The following SHISA9 variants were observed in gnomAD, a reference collection of about 807,000 sequenced individuals.
The protein encoded by SHISA9 is shisa family member 9, also known as protein shisa-9.
A neutral mutation model predicts 38.0 loss-of-function variants in SHISA9; 13 were observed. The ratio of observed to expected loss-of-function variants is 0.34; its 90% confidence interval spans 0.22 to 0.54. SHISA9 has a LOEUF of 0.54. Among genes scored for constraint, SHISA9 ranks in the 20% least tolerant of loss-of-function variants. The pLI is 0.91. For missense variants in SHISA9, 538 were observed against 575.8 expected (o/e 0.93, Z 0.67); for synonymous variants, 275 against 242.0 (o/e 1.14, Z -1.27).
At chr16:12,934,510 A>G (rs2071503595) in intron 2 of SHISA9, among the ~76,000 whole-genome samples, 1 of 152,204 alleles carries the variant, frequency 6.6e-6, no homozygotes, top group African/African-American at 2.4e-5. Context: ...ACAACTATTG[A>G]TATATAGGGG....
chr16:13,061,691 A>T (rs1484370381), intron 2 of SHISA9, among the ~76,000 whole-genome samples: 1 of 152,202 alleles, frequency 6.6e-6, no homozygotes, highest in Non-Finnish European at 1.5e-5. Context: ...AATTCATTAC[A>T]GGAAGCAACC....
chr16:13,270,674 A>G, the SHISA9 span, among the ~76,000 whole-genome samples: 13 of 152,188 alleles, frequency 8.5e-5, no homozygotes, highest in African/African-American at 2.9e-4. Flanking sequence ...CAATTAACCT[A>G]GCTGAAGATC....
At chr16:12,962,728 G>T (rs1321736731) in intron 2 of SHISA9, among the ~76,000 whole-genome samples, 1 of 152,200 alleles carries the variant, frequency 6.6e-6, no homozygotes, top group Non-Finnish European at 1.5e-5. Context: ...TAAGCCAACT[G>T]GTCTATGGTA....
At chr16:13,150,199 C>A (rs1472132195) in intron 2 of SHISA9, among the ~76,000 whole-genome samples, 1 of 152,066 alleles carries the variant, frequency 6.6e-6, no homozygotes, top group Non-Finnish European at 1.5e-5. Context: ...TTCCCTAAAT[C>A]TACTGCGTTT....
At chr16:13,094,038 A>G (rs1006980920) in intron 2 of SHISA9, among the ~76,000 whole-genome samples, 7 of 152,118 alleles carry the variant, frequency 4.6e-5, no homozygotes, top group African/African-American at 1.2e-4. Flanking sequence ...CAGGTCTCCT[A>G]TACCAAGGAG....
chr16:13,477,530 A>T, the SHISA9 span, among the ~76,000 whole-genome samples: 1 of 152,190 alleles, frequency 6.6e-6, no homozygotes, highest in Non-Finnish European at 1.5e-5. Context: ...GTGAGCCTGG[A>T]GAAAGAGATC....
the SHISA9 span, among the ~76,000 whole-genome samples, chr16:13,335,757 T>TG: frequency 0.051 from 7,777 of 152,078 alleles, 288 homozygotes; most frequent in Non-Finnish European, 0.076. Context: ...AAGACCATTT[T>TG]GGGGGGGATC....
chr16:13,329,715 G>T, the SHISA9 span, among the ~76,000 whole-genome samples: 25 of 152,292 alleles, frequency 1.6e-4, no homozygotes, highest in Admixed American at 1.2e-3. Flanking sequence ...ACAGCAGAAA[G>T]GTAGAGCCAT....
intron 2 of SHISA9, among the ~76,000 whole-genome samples, chr16:12,932,143 G>A (rs1454019381): frequency 6.6e-6 from 1 of 152,132 alleles, no homozygotes; most frequent in Non-Finnish European, 1.5e-5. Flanking sequence ...CCAGCCATGT[G>A]GAGCTGTGAG....
At chr16:12,993,527 C>G (rs1040538684) in intron 2 of SHISA9, among the ~76,000 whole-genome samples, 1 of 152,094 alleles carries the variant, frequency 6.6e-6, no homozygotes, top group Non-Finnish European at 1.5e-5. Context: ...CCCCTAGGTG[C>G]CCAGTAAAAG....
chr16:13,178,863 G>T (rs1188875829), intron 2 of SHISA9, among the ~76,000 whole-genome samples: 2 of 149,090 alleles, frequency 1.3e-5, no homozygotes, highest in Non-Finnish European at 3.0e-5. Flanking sequence ...TGTTGTTGTT[G>T]TTTGTTTTTT....
chr16:13,240,205 T>G lies in SHISA9; in HGVS notation c.*4796T>G, dbSNP rs747873291. On this transcript the variant is annotated 3_prime_UTR_variant, in exon 5 of 5. Transcript: ENST00000558583. ...AGTTTTTTGTGTAAATGGAGCATAT[T>G]TTATGTGCGAATATTTTAGTAACCG... 1 of 152,222 alleles carries G rather than the reference T, an allele frequency of 6.6e-6. No homozygotes were observed. Among genetic ancestry groups the G allele is most frequent in the Admixed American group, 6.5e-5 (1 of 15,278 alleles). The allele number at this position is 152,222 out of a possible 1,614,324, so 9.4% of individuals were successfully genotyped here. A position where few individuals can be genotyped will look rare whatever the true frequency, so the allele number is the denominator to read the frequency against.
chr16:13,285,462 GTTTTTTTTTTTTT>G, the SHISA9 span, among the ~76,000 whole-genome samples: 2 of 95,784 alleles, frequency 2.1e-5, no homozygotes, highest in African/African-American at 8.4e-5. Flanking sequence ...TTCAGGTGTA[GTTTTTTTTTTTTT>G]TTTTTTTTTT....
chr16:13,134,295 C>T (rs2050329520), intron 2 of SHISA9, among the ~76,000 whole-genome samples: 1 of 152,148 alleles, frequency 6.6e-6, no homozygotes, highest in Admixed American at 6.5e-5. Context: ...GTACGTAAAG[C>T]ACATAGCACA....
At chr16:12,939,644 G>C (rs2071582820) in intron 2 of SHISA9, among the ~76,000 whole-genome samples, 1 of 152,168 alleles carries the variant, frequency 6.6e-6, no homozygotes, top group African/African-American at 2.4e-5. Flanking sequence ...CCCTAGATCT[G>C]TCTGACTTGT....
At chr16:12,934,164 TAA>T (rs1194392433) in intron 2 of SHISA9, among the ~76,000 whole-genome samples, 1 of 152,196 alleles carries the variant, frequency 6.6e-6, no homozygotes, top group Non-Finnish European at 1.5e-5. Flanking sequence ...TGAGATTATA[TAA>T]ATAAATGTAG....
At chr16:12,974,880 T>C (rs1478345378) in intron 2 of SHISA9, among the ~76,000 whole-genome samples, 1 of 152,226 alleles carries the variant, frequency 6.6e-6, no homozygotes, top group Non-Finnish European at 1.5e-5. Context: ...ACTCTATATT[T>C]ATCTGCATTT....
intron 2 of SHISA9, among the ~76,000 whole-genome samples, chr16:13,074,738 C>T (rs1376072632): frequency 6.7e-6 from 1 of 149,620 alleles, no homozygotes; most frequent in Non-Finnish European, 1.5e-5. Flanking sequence ...GATCTCAGCT[C>T]ACTGCAACCT....
At chr16:13,249,511 A>G in the SHISA9 span, among the ~76,000 whole-genome samples, 1 of 152,206 alleles carries the variant, frequency 6.6e-6, no homozygotes, top group Non-Finnish European at 1.5e-5. Flanking sequence ...AAACAGGGAT[A>G]AGCATTGGTA....
Sources: allele counts gnomAD v4.1 joint callset (sites outside exome capture counted in the v4.1 genomes callset), GRCh38; gene constraint gnomAD v4.1.1; transcripts MANE v1.5; gene names NCBI Gene and HGNC (gene_info 2026-07-23, HGNC 2026-07-21).